MBNL2: variants seen among roughly 807,000 people sequenced by gnomAD.
MBNL2 encodes the protein muscleblind-like protein 2.
A neutral mutation model predicts 41.9 loss-of-function variants in MBNL2; 17 were observed. The ratio of observed to expected loss-of-function variants is 0.41; its 90% CI spans 0.28 to 0.61. MBNL2 has a LOEUF of 0.61. Among genes scored for constraint, MBNL2 ranks in the 20% least tolerant of loss-of-function variants. The probability of loss-of-function intolerance (pLI) is 0.35; values close to 1 mark genes in which losing one functional copy is unlikely to be tolerated. For missense variants in MBNL2, 336 were observed against 505.6 expected, an observed-to-expected ratio of 0.66 and a Z score of 3.22; for synonymous variants, 195 against 182.9, an observed-to-expected ratio of 1.07 and a Z score of -0.53.
the MBNL2 span, among the ~76,000 whole-genome samples, chr13:97,210,198 C>T: frequency 2.8e-4 from 42 of 152,304 alleles, no homozygotes; most frequent in Middle Eastern, 3.4e-3. Context: ...AAAGTATTAG[C>T]TCAGTGATGT....
At chr13:97,293,974 C>T (rs533296498) in intron 2 of MBNL2, among the ~76,000 whole-genome samples, 120 of 152,066 alleles carry the variant, frequency 7.9e-4, no homozygotes, top group African/African-American at 2.7e-3. Context: ...CCCCGAGTCC[C>T]CAATTTTCTT....
intron 2 of MBNL2, among the ~76,000 whole-genome samples, chr13:97,298,610 T>C (rs889496723): frequency 2.0e-5 from 3 of 152,228 alleles, no homozygotes; most frequent in Admixed American, 6.5e-5. Flanking sequence ...GTCTCACCTT[T>C]TCTTTCTCCT....
At chr13:97,259,480 C>T (rs2048194714) in intron 1 of MBNL2, among the ~76,000 whole-genome samples, 1 of 152,190 alleles carries the variant, frequency 6.6e-6, no homozygotes, top group African/African-American at 2.4e-5. Flanking sequence ...CCCTTTTGTG[C>T]TCCCTCCTTG....
the MBNL2 span, among the ~76,000 whole-genome samples, chr13:97,173,577 T>C: frequency 2.0e-5 from 3 of 152,188 alleles, no homozygotes; most frequent in African/African-American, 7.2e-5. Flanking sequence ...TTAGTCTTTA[T>C]AGCCTGAGTG....
intron 1 of MBNL2, among the ~76,000 whole-genome samples, chr13:97,234,255 TG>T (rs2042893689): frequency 6.6e-6 from 1 of 152,200 alleles, no homozygotes; most frequent in African/African-American, 2.4e-5. Context: ...GCAAATCAAG[TG>T]TCTCTTTAGG....
intron 1 of MBNL2, among the ~76,000 whole-genome samples, chr13:97,249,810 T>C (rs186645144): frequency 3.3e-5 from 5 of 152,338 alleles, no homozygotes; most frequent in Admixed American, 3.3e-4. Flanking sequence ...GAGTATTAGG[T>C]TTCCCCCCTC....
chr13:97,195,913 C>T, the MBNL2 span, among the ~76,000 whole-genome samples: 2 of 152,082 alleles, frequency 1.3e-5, no homozygotes, highest in South Asian at 4.1e-4. Context: ...TGGACAACAT[C>T]AGTAAAAGGT....
At chr13:97,274,268 C>T (rs898152674) in intron 1 of MBNL2, among the ~76,000 whole-genome samples, 4 of 152,120 alleles carry the variant, frequency 2.6e-5, no homozygotes, top group Non-Finnish European at 5.9e-5. Context: ...GTGGGCAGAT[C>T]ACCTGAGGTC....
chr13:97,292,765 C>A (rs541527317), intron 2 of MBNL2, among the ~76,000 whole-genome samples: 3 of 151,886 alleles, frequency 2.0e-5, no homozygotes, highest in African/African-American at 7.2e-5. Flanking sequence ...AGTACAATTT[C>A]TTCTTTATTT....
At chr13:97,356,968 C>A in intron 6 of MBNL2, 119 bp downstream of exon 6, 1 of 485,580 alleles carries the variant, frequency 2.1e-6, no homozygotes, top group Non-Finnish European at 3.3e-6. Context: ...TGGAAAAAAT[C>A]CAATAAGGTG....
chr13:97,283,614 C>A (rs2053851731), intron 2 of MBNL2, among the ~76,000 whole-genome samples: 1 of 152,146 alleles, frequency 6.6e-6, no homozygotes, highest in Admixed American at 6.5e-5. Context: ...CTATTTCAAA[C>A]AATCTGCAGG....
At chr13:97,183,748 G>A in the MBNL2 span, among the ~76,000 whole-genome samples, 1 of 152,176 alleles carries the variant, frequency 6.6e-6, no homozygotes, top group Non-Finnish European at 1.5e-5. Context: ...TTGCCTAGGT[G>A]GATGGTGGGA....
the MBNL2 span, among the ~76,000 whole-genome samples, chr13:97,143,251 T>A: frequency 6.6e-6 from 1 of 152,250 alleles, no homozygotes; most frequent in Non-Finnish European, 1.5e-5. Flanking sequence ...CTTTGTCATC[T>A]CATATAAGCA....
At chr13:97,328,070 T>G (rs529949037) in intron 2 of MBNL2, among the ~76,000 whole-genome samples, 1 of 152,106 alleles carries the variant, frequency 6.6e-6, no homozygotes, top group East Asian at 1.9e-4. Context: ...TTCACAGATA[T>G]GGCAGCTGGA....
the MBNL2 span, among the ~76,000 whole-genome samples, chr13:97,167,059 G>C: frequency 1.3e-5 from 2 of 152,112 alleles, no homozygotes; most frequent in Non-Finnish European, 2.9e-5. Context: ...GAAATGCCTT[G>C]AATATTACAG....
the MBNL2 span, among the ~76,000 whole-genome samples, chr13:97,158,745 A>G: frequency 6.6e-5 from 10 of 151,976 alleles, no homozygotes; most frequent in Admixed American, 5.9e-4. Context: ...GTTTGATTGC[A>G]CTGTGGTCTG....
chr13:97,366,388 CA>C lies in MBNL2; in HGVS notation c.1048+1221del. On this transcript the variant is annotated intron_variant, in intron 8 of 8. Coordinates refer to ENST00000679496, the MANE Select transcript of MBNL2 (RefSeq NM_001382683.1). The surrounding 1 kb of genome is among the most constrained non-coding windows in gnomAD (Gnocchi z 4.7). Reference sequence around the variant, plus strand: ...CTTGCTGCTCTGATATTCACCATGCCAAAATACCACTTCTATTACCATAATG... The same window carrying C: ...CTTGCTGCTCTGATATTCACCATGCCAAATACCACTTCTATTACCATAATG... 1.3e-6 allele frequency: 1 copy of C among 761,684 alleles called. No homozygotes were observed. Among genetic ancestry groups the C allele is most frequent in the South Asian group, 1.6e-5 (1 of 61,042 alleles). 47.2% of individuals were successfully genotyped at this position (761,684 alleles called of 1,614,324 possible).
chr13:97,249,271 T>G (rs1041652137), intron 1 of MBNL2, among the ~76,000 whole-genome samples: 1 of 152,218 alleles, frequency 6.6e-6, no homozygotes, highest in African/African-American at 2.4e-5. Context: ...TTCCACTGTT[T>G]GTGAATGATT....
At chr13:97,208,010 A>G in the MBNL2 span, among the ~76,000 whole-genome samples, 2 of 152,224 alleles carry the variant, frequency 1.3e-5, no homozygotes, top group African/African-American at 2.4e-5. Context: ...TGCTGATGCA[A>G]GGGGGTGAGT....
Sources: allele counts gnomAD v4.1 joint callset (sites outside exome capture counted in the v4.1 genomes callset), GRCh38; gene constraint gnomAD v4.1.1; non-coding constraint Gnocchi (gnomAD v3.1); transcripts MANE v1.5; gene names NCBI Gene and HGNC (gene_info 2026-07-23, HGNC 2026-07-21).